The following TRIM2 variants were observed in gnomAD, a reference collection of about 807,000 sequenced individuals.
TRIM2 encodes the protein tripartite motif containing 2, also known as tripartite motif-containing protein 2.
Under a neutral mutation model 75.2 loss-of-function variants are expected in TRIM2, and 20 were observed. The observed-to-expected ratio is 0.27, with a 90% confidence interval of 0.19 to 0.39. The LOEUF is 0.39. TRIM2 is among the 10% of genes least tolerant of loss of function. The pLI is 1.00. For missense variants in TRIM2, 660 were observed against 990.8 expected (o/e 0.67, Z 4.48); for synonymous variants, 373 against 388.3 (o/e 0.96, Z 0.46).
chr4:153,252,668 C>A (rs1188227680), intron 1 of TRIM2, among the ~76,000 whole-genome samples: 1 of 152,148 alleles, frequency 6.6e-6, no homozygotes, highest in East Asian at 1.9e-4. Context: ...TGCCACTGCA[C>A]CCAGCTAATT....
chr4:153,322,924 C>A, intron 9 of TRIM2, 108 bp downstream of exon 9: 3 of 1,425,648 alleles, frequency 2.1e-6, no homozygotes, highest in Non-Finnish European at 2.8e-6. Flanking sequence ...TGTTTGCTGG[C>A]TTTGGGAAAG....
chr4:153,257,483 C>T, intron 1 of TRIM2: 1 of 1,272,828 alleles, frequency 7.9e-7, no homozygotes. Context: ...CAGAAACATT[C>T]CTGCCGACTT....
At chr4:153,333,292 C>T (rs1293598067) in intron 11 of TRIM2, among the ~76,000 whole-genome samples, 1 of 152,102 alleles carries the variant, frequency 6.6e-6, no homozygotes, top group Non-Finnish European at 1.5e-5. Flanking sequence ...AGAAGGAAAA[C>T]AGATTAGTGG....
chr4:153,333,777 A>T (rs1415485647), intron 11 of TRIM2, among the ~76,000 whole-genome samples: 1 of 152,208 alleles, frequency 6.6e-6, no homozygotes, highest in Non-Finnish European at 1.5e-5. Context: ...AATACATAAT[A>T]TTATTTACAT....
At chr4:153,189,624 T>G (rs973147236) in intron 1 of TRIM2, among the ~76,000 whole-genome samples, 7 of 152,196 alleles carry the variant, frequency 4.6e-5, no homozygotes, top group African/African-American at 1.7e-4. Flanking sequence ...CCCCTTCCTC[T>G]GTGCTGCTGT....
chr4:153,317,655 G>GAAAA (rs11316229), intron 8 of TRIM2, among the ~76,000 whole-genome samples: 42 of 130,362 alleles, frequency 3.2e-4, no homozygotes, highest in African/African-American at 1.1e-3. Flanking sequence ...GTCTCAAAAA[G>GAAAA]AAAAAAAAAA....
intron 3 of TRIM2, among the ~76,000 whole-genome samples, chr4:153,289,868 A>G (rs1035548124): frequency 1.3e-5 from 2 of 152,208 alleles, no homozygotes; most frequent in African/African-American, 4.8e-5. Flanking sequence ...ATATTCCCTC[A>G]GTCCATACAC....
At chr4:153,199,664 T>C (rs1372939965), upstream of TRIM2, among the ~76,000 whole-genome samples, 2 of 152,238 alleles carry the variant, frequency 1.3e-5, no homozygotes, top group African/African-American at 2.4e-5. Flanking sequence ...GCAGGTCTAC[T>C]GGCACCCACC....
chr4:153,222,559 G>A (rs939528991), intron 1 of TRIM2: 3 of 152,148 alleles, frequency 2.0e-5, no homozygotes, highest in African/African-American at 7.2e-5. Flanking sequence ...TAGCTGTCGT[G>A]CCGGGCCTGA....
intron 1 of TRIM2, among the ~76,000 whole-genome samples, chr4:153,192,556 A>G (rs1733307340): frequency 6.7e-6 from 1 of 150,278 alleles, no homozygotes; most frequent in Non-Finnish European, 1.5e-5. Context: ...ACGGTGAGCC[A>G]TGATCATGCC....
chr4:153,234,862 G>A (rs915632554), intron 1 of TRIM2, among the ~76,000 whole-genome samples: 1 of 152,120 alleles, frequency 6.6e-6, no homozygotes, highest in Non-Finnish European at 1.5e-5. Flanking sequence ...TGTTCTACAT[G>A]CATCTCCAAC....
intron 1 of TRIM2, among the ~76,000 whole-genome samples, chr4:153,234,036 T>C (rs1744356219): frequency 6.6e-6 from 1 of 152,184 alleles, no homozygotes; most frequent in Admixed American, 6.5e-5. Context: ...CAAAGTTAAG[T>C]GCATCTGCAT....
chr4:153,257,755 C>A, intron 1 of TRIM2: 2 of 502,934 alleles, frequency 4.0e-6, no homozygotes, highest in Non-Finnish European at 7.2e-6. Context: ...GTCTGTTTGT[C>A]TTCAGAAATG....
At chr4:153,263,825 A>C (rs1489918011) in intron 1 of TRIM2, among the ~76,000 whole-genome samples, 1 of 152,206 alleles carries the variant, frequency 6.6e-6, no homozygotes, top group African/African-American at 2.4e-5. Flanking sequence ...GATGGCCCAC[A>C]TGGCAGAGAG....
chr4:153,309,048 G>A (rs1765657855), intron 6 of TRIM2, among the ~76,000 whole-genome samples: 1 of 152,198 alleles, frequency 6.6e-6, no homozygotes, highest in Non-Finnish European at 1.5e-5. Flanking sequence ...GTGTTATAGG[G>A]TGCAATGGTG....
At chr4:153,188,163 A>T (rs1732801485) in intron 1 of TRIM2, among the ~76,000 whole-genome samples, 1 of 152,338 alleles carries the variant, frequency 6.6e-6, no homozygotes, top group East Asian at 1.9e-4. Flanking sequence ...TGTACAGAAT[A>T]CTTGTAAGAG....
At chr4:153,209,629 A>G (rs1736404256) in intron 1 of TRIM2, among the ~76,000 whole-genome samples, 1 of 152,256 alleles carries the variant, frequency 6.6e-6, no homozygotes, top group African/African-American at 2.4e-5. Flanking sequence ...TTATGCAAAT[A>G]GAACTTCAAT....
At chr4:153,279,414 T>C (rs1440649753) in intron 3 of TRIM2, among the ~76,000 whole-genome samples, 1 of 152,146 alleles carries the variant, frequency 6.6e-6, no homozygotes, top group Non-Finnish European at 1.5e-5. Flanking sequence ...TAGTAACACA[T>C]GTTTATGGGG....
intron 3 of TRIM2, among the ~76,000 whole-genome samples, chr4:153,278,050 A>AT (rs1758414165): frequency 1.3e-5 from 2 of 152,204 alleles, no homozygotes; most frequent in East Asian, 3.9e-4. Flanking sequence ...ACGTGACTTG[A>AT]TAGAGGAGTA....
Sources: allele counts gnomAD v4.1 joint callset (sites outside exome capture counted in the v4.1 genomes callset), GRCh38; gene constraint gnomAD v4.1.1; transcripts MANE v1.5; gene names NCBI Gene and HGNC (gene_info 2026-07-23, HGNC 2026-07-21).